Variants in MALRD1 observed in about 807,000 individuals in gnomAD.
MALRD1 encodes the protein MAM and LDL receptor class A domain containing 1.
MALRD1 carries 247 observed loss-of-function variants against 242.1 expected under a neutral mutation model. The observed-to-expected ratio is 1.02, with a 90% CI of 0.92 to 1.13. The LOEUF (loss-of-function observed/expected upper bound fraction) is 1.13, where lower values mean the gene tolerates loss of function less well. Among genes scored for constraint, MALRD1 ranks in the 50% most tolerant of loss-of-function variants. The pLI, the probability that MALRD1 is intolerant of heterozygous loss-of-function variation, is 0.00. For synonymous variants in MALRD1, 995 were observed against 866.6 expected, an observed-to-expected ratio of 1.15 and a Z score of -2.60; for missense variants, 2,989 against 2,533.1, an observed-to-expected ratio of 1.18 and a Z score of -3.86.
At chr10:19,647,893 C>T (rs917831943) in intron 36 of MALRD1, among the ~76,000 whole-genome samples, 3 of 152,160 alleles carry the variant, frequency 2.0e-5, no homozygotes, top group Non-Finnish European at 2.9e-5. Context: ...CTGCACCACA[C>T]AGCAGTCCCT....
intron 18 of MALRD1, among the ~76,000 whole-genome samples, chr10:19,245,303 T>C (rs552384376): frequency 6.6e-6 from 1 of 152,166 alleles, no homozygotes; most frequent in East Asian, 1.9e-4. Flanking sequence ...TCATCTGAAT[T>C]ACAAATGATT....
chr10:19,585,260 C>G (rs926668506), intron 33 of MALRD1, among the ~76,000 whole-genome samples: 7 of 151,034 alleles, frequency 4.6e-5, no homozygotes, highest in Admixed American at 1.3e-4. Flanking sequence ...GAATTTGATC[C>G]TGTCATTATG....
At chr10:19,239,972 G>T (rs563836901) in intron 18 of MALRD1, among the ~76,000 whole-genome samples, 1 of 152,082 alleles carries the variant, frequency 6.6e-6, no homozygotes, top group Non-Finnish European at 1.5e-5. Context: ...GATTGCTTTG[G>T]TTATTTGGGG....
intron 2 of MALRD1, among the ~76,000 whole-genome samples, chr10:19,082,453 C>T (rs933163750): frequency 2.6e-5 from 4 of 151,338 alleles, no homozygotes; most frequent in African/African-American, 9.7e-5. Context: ...TATTGATGTC[C>T]TCTATTTTAT....
chr10:19,430,111 C>CTTTTTTTTTTTTTTT lies in MALRD1; in HGVS notation c.4846-20189_4846-20175dup, dbSNP rs1156254998. ...CTTTGCTTGGAATTTCTCCATTTTC[C>CTTTTTTTTTTTTTTT]TTTTTTTTTTTTTTTTTTTTTGAGA... is the stretch of plus-strand genomic sequence containing the variant. On this transcript the variant is annotated intron_variant, in intron 28 of 39. Transcript: ENST00000454679. 3.6e-4 allele frequency among the ~76,000 whole-genome samples: 30 copies of CTTTTTTTTTTTTTTT among 83,524 alleles called. 2 individuals are homozygous for CTTTTTTTTTTTTTTT. Among genetic ancestry groups the CTTTTTTTTTTTTTTT allele is most frequent in the African/African-American group, 6.8e-4 (14 of 20,440 alleles). 54.8% of individuals were successfully genotyped at this position (83,524 alleles called of 152,430 possible).
At chr10:19,363,749 A>AAGG (rs974939181) in intron 26 of MALRD1, among the ~76,000 whole-genome samples, 2 of 152,130 alleles carry the variant, frequency 1.3e-5, no homozygotes, top group African/African-American at 4.8e-5. Context: ...GGAGTTACAG[A>AAGG]AGGAGGGTTA....
At chr10:19,472,054 C>T (rs373783823) in intron 29 of MALRD1, among the ~76,000 whole-genome samples, 15 of 151,980 alleles carry the variant, frequency 9.9e-5, no homozygotes, top group African/African-American at 3.4e-4. Context: ...TCACATATGG[C>T]TTTTATTATG....
intron 36 of MALRD1, among the ~76,000 whole-genome samples, chr10:19,639,861 C>T (rs1204248560): frequency 2.0e-5 from 3 of 151,926 alleles, no homozygotes; most frequent in South Asian, 2.1e-4. Context: ...CCTAAAGAGT[C>T]GATGTGTGGC....
intron 32 of MALRD1, among the ~76,000 whole-genome samples, chr10:19,559,260 T>C (rs2131431981): frequency 6.6e-6 from 1 of 152,090 alleles, no homozygotes; most frequent in South Asian, 2.1e-4. Flanking sequence ...GTGATGGTTC[T>C]TTTGTCATTT....
chr10:19,208,121 G>C (rs1277760649), intron 17 of MALRD1, among the ~76,000 whole-genome samples: 1 of 151,240 alleles, frequency 6.6e-6, no homozygotes, highest in Non-Finnish European at 1.5e-5. Flanking sequence ...TTGTGGGTTA[G>C]TGTAACTGCT....
rs1836660265 is a variant in MALRD1, at chr10:19,203,845, C to T, written c.2069C>T (p.Ala690Val). The change falls in exon 15 of 40, where the codon GCT (alanine) becomes GTT (valine). Residue 690 changes from alanine to valine, a missense_variant. Coordinates refer to ENST00000454679, the MANE Select transcript of MALRD1 (RefSeq NM_001142308.3). ...CTTTCTGCTGATTTTGAGCACCAGGCTCCACCTCGGGATCATAGTCTCAAC... is the reference window on the plus strand; with the variant it reads ...CTTTCTGCTGATTTTGAGCACCAGGTTCCACCTCGGGATCATAGTCTCAAC... ...SELSADFEHQ[A>V]PPRDHSLNAS... 1.3e-6 allele frequency: 2 copies of T among 1,550,490 alleles called. No individual in the cohort carries two copies. Among genetic ancestry groups the T allele is most frequent in the Non-Finnish European group, 8.7e-7 (1 of 1,146,916 alleles).
rs569463516 is a variant in MALRD1 at position 19,104,152 on chromosome 10, A to G, written c.694+77A>G. 17 of 781,494 alleles carry G rather than the reference A, an allele frequency of 2.2e-5. No homozygotes were observed. In the South Asian group the frequency reaches 8.6e-4, roughly 40 times the overall value. The allele number at this position is 781,494 out of a possible 1,614,324, so 48.4% of individuals were successfully genotyped here. On this transcript the variant is annotated intron_variant, in intron 5 of 39. Transcript: ENST00000454679. ...GCAATTTAAACATTGTGATGACTTT[A>G]ATCTGCTGTTTATTTTTGTCTGATG...
chr10:19,379,974 T>G (rs1376763562), intron 26 of MALRD1, among the ~76,000 whole-genome samples: 1 of 116,698 alleles, frequency 8.6e-6, no homozygotes, highest in Admixed American at 8.0e-5. Context: ...TTTTATTTAA[T>G]TTTTTTTTTT....
intron 29 of MALRD1, among the ~76,000 whole-genome samples, chr10:19,482,948 A>C (rs898191652): frequency 6.6e-6 from 1 of 152,074 alleles, no homozygotes; most frequent in African/African-American, 2.4e-5. Context: ...CACTATCCTA[A>C]AATCCATATG....
intron 32 of MALRD1, among the ~76,000 whole-genome samples, chr10:19,555,620 T>A (rs3852476): frequency 1.3e-5 from 2 of 151,970 alleles, no homozygotes; most frequent in African/African-American, 4.8e-5. Context: ...ACAGAGGAAA[T>A]GTGTAGGGGA....
chr10:19,510,266 A>C (rs1244474813), intron 31 of MALRD1, among the ~76,000 whole-genome samples: 2 of 152,202 alleles, frequency 1.3e-5, no homozygotes, highest in African/African-American at 2.4e-5. Flanking sequence ...AGGGAGGAGC[A>C]GGAGACAGAT....
chr10:19,078,181 AG>A (rs1369761595), intron 2 of MALRD1, among the ~76,000 whole-genome samples: 1 of 151,786 alleles, frequency 6.6e-6, no homozygotes, highest in East Asian at 1.9e-4. Flanking sequence ...TTTAAGTTCT[AG>A]GGTACATGTG....
intron 31 of MALRD1, among the ~76,000 whole-genome samples, chr10:19,517,538 C>T (rs1833688823): frequency 6.6e-6 from 1 of 152,106 alleles, no homozygotes; most frequent in South Asian, 2.1e-4. Flanking sequence ...TAAAGTTCAC[C>T]CATTTCTGTA....
chr10:19,064,568 AAAAG>A (rs1172349742), intron 1 of MALRD1, among the ~76,000 whole-genome samples: 5 of 152,088 alleles, frequency 3.3e-5, no homozygotes, highest in African/African-American at 9.6e-5. Context: ...TTTTATAACA[AAAAG>A]AACCCCTGTT....
Sources: allele counts gnomAD v4.1 joint callset (sites outside exome capture counted in the v4.1 genomes callset), GRCh38; gene constraint gnomAD v4.1.1; transcripts MANE v1.5; gene names NCBI Gene and HGNC (gene_info 2026-07-23, HGNC 2026-07-21).